The following UTP20 variants were observed in gnomAD, a reference collection of about 807,000 sequenced individuals.
UTP20 encodes the protein small subunit processome component 20 homolog.
Under a neutral mutation model 329.5 loss-of-function variants are expected in UTP20, and 164 were observed. The ratio of observed to expected loss-of-function variants is 0.50; its 90% CI spans 0.44 to 0.57. The LOEUF (loss-of-function observed/expected upper bound fraction) is 0.57. Ranked by LOEUF, UTP20 falls within the 20% of genes least tolerant of loss-of-function variation. The pLI is 0.00. For synonymous variants in UTP20, 1,151 were observed against 1,159.3 expected, an observed-to-expected ratio of 0.99 and a Z score of 0.14; for missense variants, 3,055 against 3,284.2, an observed-to-expected ratio of 0.93 and a Z score of 1.71.
Position 101,312,285 on chromosome 12 carries a change from C to G in UTP20, c.2552+9C>G, listed in dbSNP as rs1318306734. On this transcript the variant is annotated intron_variant, in intron 21 of 61. Transcript: ENST00000261637. ...TTCTTGAGATTTATCAAGTAAGTTT[C>G]CTCTTCTAAGAATATGTCCCTGGTG... 2 of 1,613,372 alleles carry G rather than the reference C, an allele frequency of 1.2e-6. No individual in the cohort carries two copies. Among genetic ancestry groups the G allele is most frequent in the East Asian group, 4.5e-5 (2 of 44,894 alleles).
chr12:101,362,011 A>G lies in UTP20; in HGVS notation c.5741A>G (p.Asn1914Ser), dbSNP rs764835175. 47 of 1,613,754 alleles carry G rather than the reference A, an allele frequency of 2.9e-5. No homozygotes were observed. The highest frequency in any genetic ancestry group is 3.3e-4 in the Middle Eastern group (2 of 6,056). Residue 1914 changes from asparagine to serine, a missense_variant, in exon 44 of 62, where the codon AAT becomes AGT. Transcript: ENST00000261637. ...CACATGCTGCTGCAAGGCCTCACCAATAAGCTGCAGGTCGGAGATTTGGAC... is the reference window on the plus strand; with the variant it reads ...CACATGCTGCTGCAAGGCCTCACCAGTAAGCTGCAGGTCGGAGATTTGGAC... ...TVHMLLQGLT[N>S]KLQVGDLDSC...
chr12:101,290,786 A>G lies in UTP20; in HGVS notation c.789A>G (p.Gln263=), dbSNP rs1258645092. 1.2e-6 allele frequency: 2 copies of G among 1,613,944 alleles called. No homozygotes were observed. The highest frequency in any genetic ancestry group is 1.1e-5 in the South Asian group (1 of 91,022). The change falls in exon 8 of 62, where the codon CAA becomes CAG. Residue 263 remains glutamine (Q), a synonymous_variant. Transcript: ENST00000261637. ...KLGPVTETET[Q]LPWMLIGETL... Reference sequence around the variant, plus strand: ...GACCAGTCACTGAAACAGAAACTCAACTACCATGGATGTTAATTGGAGAAA... The same window carrying G: ...GACCAGTCACTGAAACAGAAACTCAGCTACCATGGATGTTAATTGGAGAAA...
At chr12:101,284,539 T>C (rs1159644599) in intron 2 of UTP20, among the ~76,000 whole-genome samples, 1 of 152,134 alleles carries the variant, frequency 6.6e-6, no homozygotes, top group Admixed American at 6.6e-5. Context: ...GTGGATAGTG[T>C]AGAGATAAAC....
chr12:101,323,424 C>T (rs900607846), intron 25 of UTP20, among the ~76,000 whole-genome samples: 2 of 152,148 alleles, frequency 1.3e-5, no homozygotes, highest in African/African-American at 4.8e-5. Context: ...TAAGTTTGAA[C>T]CACTTTATAT....
At position 101,344,592 on chromosome 12, in the gene UTP20, C is replaced by A; in HGVS notation, c.4450-3C>A. The A allele has an allele frequency of 1.1e-6, 1 of 922,492 alleles. No homozygotes were observed. Among genetic ancestry groups the A allele is most frequent in the South Asian group, 1.3e-5 (1 of 76,416 alleles). 57.1% of individuals were successfully genotyped at this position (922,492 alleles called of 1,614,324 possible). A position where few individuals can be genotyped will look rare whatever the true frequency, so the allele number is the denominator to read the frequency against. On this transcript the variant is annotated splice_polypyrimidine_tract_variant and splice_region_variant and intron_variant, in intron 35 of 61. Transcript: ENST00000261637. ...ATTTCTTTTTTATTTCTCTTTTTTG[C>A]AGTTAGGAGATATGAGTTTAAGTGA... is the stretch of plus-strand genomic sequence containing the variant.
intron 50 of UTP20, 86 bp from the exon 51 acceptor site, chr12:101,370,972 C>A: frequency 9.1e-7 from 1 of 1,102,914 alleles, no homozygotes; most frequent in South Asian, 1.5e-5. Context: ...TGAAAATGTC[C>A]TGTGGTTGCT....
intron 27 of UTP20, among the ~76,000 whole-genome samples, chr12:101,330,367 A>G (rs1336926798): frequency 6.6e-6 from 1 of 152,170 alleles, no homozygotes; most frequent in East Asian, 1.9e-4. Flanking sequence ...AGAGTCATGT[A>G]AGGTGAGGAT....
chr12:101,373,699 G>C lies in UTP20; in HGVS notation c.7063G>C (p.Gly2355Arg), dbSNP rs905440750. The C allele has an allele frequency of 3.7e-6, 6 of 1,612,044 alleles. No homozygotes were observed. The Admixed American group carries it at 6.7e-5, about 18-fold the overall frequency. The change falls in exon 54 of 62, where the codon GGT (glycine) becomes CGT (arginine). Residue 2355 changes from glycine to arginine, a missense_variant. By Grantham distance (125) the Gly-to-Arg change is moderately radical. Coordinates refer to ENST00000261637, the MANE Select transcript of UTP20 (RefSeq NM_014503.3). ...ATCCATGACAATCAAGTCCCTACTT[G>C]GTAAAATCAGCCTCGAGAAAAAAGA... is the stretch of plus-strand genomic sequence containing the variant. The part of the protein sequence containing the change: ...MASMTIKSLL[G>R]KISLEKKDWL...
chr12:101,355,213 T>A (rs1173894967), intron 41 of UTP20, 95 bp downstream of exon 41: 3 of 1,405,520 alleles, frequency 2.1e-6, no homozygotes, highest in Non-Finnish European at 2.9e-6. Flanking sequence ...TTGATTGATT[T>A]CAGCTTTTAG....
At chr12:101,314,657 CAA>C (rs780649389) in intron 21 of UTP20, among the ~76,000 whole-genome samples, 7 of 105,642 alleles carry the variant, frequency 6.6e-5, no homozygotes, top group Admixed American at 9.6e-5. Context: ...GACTCTGTCT[CAA>C]AAAAAAAAAA....
At chr12:101,342,671 T>G in intron 33 of UTP20, 82 bp downstream of exon 33, 1 of 1,536,546 alleles carries the variant, frequency 6.5e-7, no homozygotes, top group Non-Finnish European at 8.8e-7. Context: ...GGGGCTTTCT[T>G]CATGCCAGGG....
At position 101,309,748 on chromosome 12, in the gene UTP20, C is replaced by T; in HGVS notation, c.2155-15C>T. 13 of 1,610,978 alleles carry T rather than the reference C, an allele frequency of 8.1e-6. No homozygotes were observed. The highest frequency in any genetic ancestry group is 1.1e-5 in the Non-Finnish European group (13 of 1,177,562). On this transcript the variant is annotated splice_polypyrimidine_tract_variant and intron_variant, in intron 18 of 61. Transcript: ENST00000261637. ...TTTCATTACCCAATACTAAACTAGT[C>T]TTTTGTAATTGCAGGTGCCGCTTCG... is the stretch of plus-strand genomic sequence containing the variant.
chr12:101,299,754 A>G lies in UTP20; in HGVS notation c.1503A>G (p.Leu501=), dbSNP rs148172168. 2.7e-4 allele frequency: 429 copies of G among 1,613,306 alleles called. No individual in the cohort carries two copies. Among genetic ancestry groups the G allele is most frequent in the Non-Finnish European group, 3.5e-4 (412 of 1,179,748 alleles). Residue 501 remains leucine (L), a synonymous_variant, in exon 13 of 62, where the codon TTA becomes TTG. Transcript: ENST00000261637. The part of the protein sequence containing the change: ...NEQFPVLDHL[L]SIIKLPPNKD... ...AGTTTCCAGTATTGGACCATCTTTT[A>G]TCTATAATTAAGTTACCCCCAAATA...
chr12:101,375,474 C>T (rs544021089), intron 55 of UTP20, 150 bp from the exon 56 acceptor site: 132 of 719,200 alleles, frequency 1.8e-4, no homozygotes, highest in Admixed American at 3.8e-4. Context: ...GTGCACATGG[C>T]AGCCCCCACA....
In UTP20 at chr12:101,366,582, T is replaced by G. The variant is rs777108135; in HGVS notation, c.6150T>G (p.Asp2050Glu). 6.8e-6 allele frequency: 11 copies of G among 1,614,010 alleles called. No homozygotes were observed. Among genetic ancestry groups the G allele is most frequent in the Non-Finnish European group, 7.6e-6 (9 of 1,179,986 alleles). The change falls in exon 47 of 62, where the codon GAT becomes GAG. Residue 2050 changes from aspartate to glutamate, a missense_variant. Physicochemically the swap from Asp to Glu is conservative, Grantham distance 45. Coordinates refer to ENST00000261637, the MANE Select transcript of UTP20 (RefSeq NM_014503.3). ...GAAATCCAGTAGCCCCAGCACCAGATCCACGTCTACCACCCCAGAGCTGCC... is the reference window on the plus strand; with the variant it reads ...GAAATCCAGTAGCCCCAGCACCAGAGCCACGTCTACCACCCCAGAGCTGCC... ...KEKNPVAPAP[D>E]PRLPPQSCLL... is the part of the protein sequence containing the mutation.
chr12:101,345,287 T>C (rs1869286126), intron 36 of UTP20, among the ~76,000 whole-genome samples: 1 of 151,954 alleles, frequency 6.6e-6, no homozygotes, highest in Non-Finnish European at 1.5e-5. Context: ...GTTTTTTTTG[T>C]TTTTTGTTTT....
At chr12:101,363,822 T>G in intron 45 of UTP20, 79 bp downstream of exon 45, 1 of 916,498 alleles carries the variant, frequency 1.1e-6, no homozygotes, top group South Asian at 1.5e-5. Context: ...CGGGGCAAAC[T>G]GAAACACTGT....
intron 32 of UTP20, among the ~76,000 whole-genome samples, chr12:101,341,838 G>A (rs1218910340): frequency 6.6e-6 from 1 of 152,180 alleles, no homozygotes; most frequent in Non-Finnish European, 1.5e-5. Flanking sequence ...CCAGGAGGTG[G>A]AGGTTGTGGT....
At chr12:101,303,313 GTAAAC>G (rs1176606821) in intron 15 of UTP20, among the ~76,000 whole-genome samples, 1 of 152,180 alleles carries the variant, frequency 6.6e-6, no homozygotes, top group African/African-American at 2.4e-5. Context: ...AGAATAAAAA[GTAAAC>G]TATATAGCGT....
Sources: gnomAD v4.1 joint callset for allele counts (sites outside exome capture counted in the v4.1 genomes callset) on GRCh38, gnomAD v4.1.1 for gene constraint, MANE v1.5 for transcripts, NCBI Gene and HGNC (gene_info 2026-07-23, HGNC 2026-07-21) for gene names.